The following UBE2D2 variants were observed in gnomAD, a reference collection of about 807,000 sequenced individuals.
The protein encoded by UBE2D2 is ubiquitin-conjugating enzyme E2 D2.
Under a neutral mutation model 24.2 loss-of-function variants are expected in UBE2D2, and 2 were observed. The observed-to-expected ratio is 0.08, with a 90% confidence interval of 0.03 to 0.26. The LOEUF is 0.26. Ranked by LOEUF, UBE2D2 falls within the 10% of genes least tolerant of loss-of-function variation. UBE2D2 has a pLI of 1.00. For synonymous variants in UBE2D2, 58 were observed against 56.5 expected (o/e 1.03, Z -0.12); for missense variants, 44 against 177.6 (o/e 0.25, Z 4.28).
chr5:139,560,665 T>C (rs1323398387), upstream of UBE2D2, among the ~76,000 whole-genome samples: 1 of 152,088 alleles, frequency 6.6e-6, no homozygotes, highest in Non-Finnish European at 1.5e-5. Flanking sequence ...CACACTGTGA[T>C]TTTTTTTCTG....
intron 1 of UBE2D2, among the ~76,000 whole-genome samples, chr5:139,564,028 A>T (rs1753165405): frequency 6.6e-6 from 1 of 152,176 alleles, no homozygotes; most frequent in Admixed American, 6.5e-5. Flanking sequence ...CACAAAACAT[A>T]CGTTTTAATT....
intron 1 of UBE2D2, among the ~76,000 whole-genome samples, chr5:139,533,908 G>A (rs889573682): frequency 6.7e-5 from 10 of 149,588 alleles, no homozygotes; most frequent in African/African-American, 9.8e-5. Context: ...TCAGCCTCCC[G>A]AGTAGCTGGG....
At chr5:139,562,163 G>A (rs2126646673) in intron 1 of UBE2D2, 1 of 1,333,132 alleles carries the variant, frequency 7.5e-7, no homozygotes, top group Non-Finnish European at 9.8e-7. Context: ...GGGGGGCGCT[G>A]GGGCGTTGGG....
chr5:139,626,918 C>T lies in UBE2D2; in HGVS notation c.*117C>T. 1 of 795,230 alleles carries T rather than the reference C, an allele frequency of 1.3e-6. No homozygotes were observed. Among genetic ancestry groups the T allele is most frequent in the Non-Finnish European group, 2.1e-6 (1 of 485,516 alleles). The allele number at this position is 795,230 out of a possible 1,614,324, so 49.3% of individuals were successfully genotyped here. ...AGCCCACGCCTCATCTTCCCCTGTG[C>T]ACATGTTTACCTGATACAGCAGTGC... On this transcript the variant is annotated 3_prime_UTR_variant, in exon 7 of 7. Coordinates refer to ENST00000398733, the MANE Select transcript of UBE2D2 (RefSeq NM_003339.3).
intron 1 of UBE2D2, among the ~76,000 whole-genome samples, chr5:139,595,791 A>G (rs1476350428): frequency 6.6e-6 from 1 of 152,038 alleles, no homozygotes; most frequent in East Asian, 1.9e-4. Context: ...AAAATGTGTA[A>G]AAGCAATATA....
chr5:139,549,455 G>C (rs796836115), intron 1 of UBE2D2, among the ~76,000 whole-genome samples: 17 of 152,346 alleles, frequency 1.1e-4, no homozygotes, highest in African/African-American at 4.1e-4. Flanking sequence ...GGCTGGCGCC[G>C]TGGGCCCAGG....
intron 1 of UBE2D2, among the ~76,000 whole-genome samples, chr5:139,578,831 C>T (rs970949768): frequency 6.6e-6 from 1 of 152,100 alleles, no homozygotes; most frequent in Admixed American, 6.6e-5. Context: ...TACCTTATTT[C>T]GTTGACTCTG....
At chr5:139,577,921 A>C (rs957630754) in intron 1 of UBE2D2, among the ~76,000 whole-genome samples, 1 of 152,232 alleles carries the variant, frequency 6.6e-6, no homozygotes, top group African/African-American at 2.4e-5. Flanking sequence ...CTGGTTTGCT[A>C]TGTAGTTACT....
At position 139,561,984 on chromosome 5, in the gene UBE2D2, C is replaced by G. The variant is rs951378444; in HGVS notation, c.24+169C>G. The G allele has an allele frequency of 2.0e-5, 20 of 1,024,726 alleles. No homozygotes were observed. The African/African-American group carries it at 3.0e-4, about 16-fold the overall frequency. 63.5% of individuals were successfully genotyped at this position (1,024,726 alleles called of 1,614,324 possible). A position where few individuals can be genotyped will look rare whatever the true frequency, so the allele number is the denominator to read the frequency against. On this transcript the variant is annotated intron_variant, in intron 1 of 6. Coordinates refer to ENST00000398733, the MANE Select transcript of UBE2D2 (RefSeq NM_003339.3). ...CCCAGTGATGGCGCCCGTGGAGGCCCCGGCGCGCAGCCCGCGCTTAGGCCG... is the reference window on the plus strand; with the variant it reads ...CCCAGTGATGGCGCCCGTGGAGGCCGCGGCGCGCAGCCCGCGCTTAGGCCG...
At chr5:139,598,196 C>G (rs1357484203) in intron 1 of UBE2D2, among the ~76,000 whole-genome samples, 1 of 151,970 alleles carries the variant, frequency 6.6e-6, no homozygotes, top group African/African-American at 2.4e-5. Flanking sequence ...GTGCCTGGCC[C>G]TTTTTCAAAC....
At chr5:139,543,750 C>T (rs994018842) in intron 1 of UBE2D2, among the ~76,000 whole-genome samples, 1 of 152,240 alleles carries the variant, frequency 6.6e-6, no homozygotes, top group Non-Finnish European at 1.5e-5. Flanking sequence ...AGGCCCATAG[C>T]ATTAAATGTC....
chr5:139,597,819 A>G (rs1398267366), intron 1 of UBE2D2, among the ~76,000 whole-genome samples: 1 of 152,252 alleles, frequency 6.6e-6, no homozygotes, highest in African/African-American at 2.4e-5. Context: ...GAAAATCTCT[A>G]TTTTAGAGAC....
intron 1 of UBE2D2, among the ~76,000 whole-genome samples, chr5:139,534,688 A>C (rs566722446): frequency 3.2e-4 from 49 of 152,064 alleles, no homozygotes; most frequent in Admixed American, 3.0e-3. Flanking sequence ...GTGAGCAGAG[A>C]TCATGCCATT....
In UBE2D2 at chr5:139,561,464, T is replaced by C. The variant is rs1416753269; in HGVS notation, c.-328T>C. On this transcript the variant is annotated 5_prime_UTR_variant, in exon 1 of 7. Transcript: ENST00000398733. ...GGCCGGCCGAGCCCGAGGCTTGGGC[T>C]TTTGCTTTCTGGCGGAGGGATCTGC... 3.2e-6 allele frequency: 1 copy of C among 313,964 alleles called. No homozygotes were observed. Among genetic ancestry groups the C allele is most frequent in the Admixed American group, 5.1e-5 (1 of 19,610 alleles). The allele number at this position is 313,964 out of a possible 1,614,324, so 19.4% of individuals were successfully genotyped here. A position where few individuals can be genotyped will look rare whatever the true frequency, so the allele number is the denominator to read the frequency against.
chr5:139,537,659 G>A (rs1049898743), intron 1 of UBE2D2, among the ~76,000 whole-genome samples: 1 of 150,996 alleles, frequency 6.6e-6, no homozygotes, highest in East Asian at 2.0e-4. Flanking sequence ...CGGCCTGGAA[G>A]AATTTTATTA....
chr5:139,565,368 G>A (rs1753194171), intron 1 of UBE2D2, among the ~76,000 whole-genome samples: 1 of 152,164 alleles, frequency 6.6e-6, no homozygotes, highest in African/African-American at 2.4e-5. Context: ...AGCAAAGAGG[G>A]TCATTATGAA....
intron 1 of UBE2D2, among the ~76,000 whole-genome samples, chr5:139,573,336 G>A (rs1158055840): frequency 2.7e-5 from 4 of 150,298 alleles, no homozygotes; most frequent in African/African-American, 9.8e-5. Context: ...GTACTATCAA[G>A]ATGAAACATC....
At position 139,565,683 on chromosome 5, in the gene UBE2D2, T is replaced by A. The variant is rs533046676; in HGVS notation, c.24+3868T>A. ...GTGCTCTGTGAACTGTGTGGTTTCC[T>A]TGGCTGATCGGAGACCTTTCTGACT... On this transcript the variant is annotated intron_variant, in intron 1 of 6. Transcript: ENST00000398733. Among the ~76,000 whole-genome samples, 10 of 152,328 alleles carry A rather than the reference T, an allele frequency of 6.6e-5. No homozygotes were observed. In the South Asian group the frequency reaches 2.1e-3, roughly 32 times the overall value.
At chr5:139,593,517 G>GTA (rs1561514187) in intron 1 of UBE2D2, among the ~76,000 whole-genome samples, 1 of 151,636 alleles carries the variant, frequency 6.6e-6, no homozygotes, top group East Asian at 1.9e-4. Flanking sequence ...ATGTAACAAT[G>GTA]TATACATTGT....
Sources: gnomAD v4.1 joint callset for allele counts (sites outside exome capture counted in the v4.1 genomes callset) on GRCh38, gnomAD v4.1.1 for gene constraint, MANE v1.5 for transcripts, NCBI Gene and HGNC (gene_info 2026-07-23, HGNC 2026-07-21) for gene names.